GNB5: variants seen among roughly 807,000 people sequenced by gnomAD.
GNB5 encodes the protein G protein subunit beta 5.
In GNB5, 37 loss-of-function variants were observed where a neutral mutation model predicts 55.3. The ratio of observed to expected loss-of-function variants is 0.67; its 90% CI spans 0.51 to 0.88. GNB5 has a LOEUF of 0.88. Among genes scored for constraint, GNB5 ranks in the 40% least tolerant of loss-of-function variants. GNB5 has a pLI of 0.00. For missense variants in GNB5, 476 were observed against 515.3 expected (o/e 0.92, Z 0.74); for synonymous variants, 219 against 198.5 (o/e 1.10, Z -0.87).
chr15:52,124,050 AG>A (rs1367497003), intron 12 of GNB5, among the ~76,000 whole-genome samples: 1 of 150,858 alleles, frequency 6.6e-6, no homozygotes, highest in Non-Finnish European at 1.5e-5. Context: ...TAATAATTTC[AG>A]GGGCTTCACA....
chr15:52,132,681 T>C (rs1220087991), intron 9 of GNB5, among the ~76,000 whole-genome samples: 1 of 147,734 alleles, frequency 6.8e-6, no homozygotes, highest in Non-Finnish European at 1.5e-5. Context: ...CCATGTTGCC[T>C]AGCCTTGTCT....
intron 3 of GNB5, among the ~76,000 whole-genome samples, chr15:52,169,073 C>T (rs149147844): frequency 0.026 from 4,024 of 152,316 alleles, 73 homozygotes; most frequent in Middle Eastern, 0.051. Flanking sequence ...CCTGTAATCC[C>T]AGCATTTTGG....
At chr15:52,122,847 AG>A in intron 12 of GNB5, 79 bp from the exon 13 acceptor site, 2 of 1,062,130 alleles carry the variant, frequency 1.9e-6, no homozygotes, top group Non-Finnish European at 3.0e-6. Flanking sequence ...AGATAAAATT[AG>A]TCTATTCACA....
intron 3 of GNB5, among the ~76,000 whole-genome samples, chr15:52,155,004 C>T (rs988659283): frequency 2.0e-5 from 3 of 152,176 alleles, no homozygotes; most frequent in Admixed American, 6.5e-5. Flanking sequence ...GCTGGAAAGC[C>T]ACAAAGACCA....
At chr15:52,167,371 C>T (rs1350423696) in intron 3 of GNB5, among the ~76,000 whole-genome samples, 3 of 152,050 alleles carry the variant, frequency 2.0e-5, no homozygotes, top group East Asian at 3.8e-4. Context: ...AGAGACACAA[C>T]AAAAAAAGAA....
rs759976046 is a variant in GNB5 at position 52,118,476 on chromosome 15, C to A, written c.*4281G>T. The A allele has an allele frequency of 4.6e-5, 7 of 151,782 alleles. No individual in the cohort carries two copies. Among genetic ancestry groups the A allele is most frequent in the Non-Finnish European group, 8.8e-5 (6 of 68,000 alleles). The allele number at this position is 151,782 out of a possible 1,614,324, so 9.4% of individuals were successfully genotyped here. ...CTAATGGAACGTGTGCATCTGTATT[C>A]TTGTGTTTTATAACTTTTTCTCAGT... On this transcript the variant is annotated 3_prime_UTR_variant, in exon 13 of 13. Transcript: ENST00000261837.
rs1489695806 is a variant in GNB5, at chr15:52,121,370, G to A, written c.*1387C>T. The A allele has an allele frequency of 6.6e-6, 1 of 152,110 alleles. No individual in the cohort carries two copies. Among genetic ancestry groups the A allele is most frequent in the Non-Finnish European group, 1.5e-5 (1 of 68,012 alleles). The allele number at this position is 152,110 out of a possible 1,614,324, so 9.4% of individuals were successfully genotyped here. A position where few individuals can be genotyped will look rare whatever the true frequency, so the allele number is the denominator to read the frequency against. ...CTAGGTGCATGCCATCTTTTTAAGT[G>A]AGAAGTTTTCTAAAGCAAAGAATAA... is the stretch of plus-strand genomic sequence containing the variant. On this transcript the variant is annotated 3_prime_UTR_variant, in exon 13 of 13. Coordinates refer to ENST00000261837, the MANE Select transcript of GNB5 (RefSeq NM_016194.4).
Position 52,133,458 on chromosome 15 carries a change from C to T in GNB5, c.783G>A (p.Lys261=). The T allele has an allele frequency of 6.2e-7, 1 of 1,610,642 alleles. No individual in the cohort carries two copies. The highest frequency in any genetic ancestry group is 8.5e-7 in the Non-Finnish European group (1 of 1,176,752). ...AGCGCATGTCCCACACCATGGCTTT[C>T]TTGTCACATCCCTACAAATGAAAAT... is the stretch of plus-strand genomic sequence containing the variant. ...GNTFVSGGCD[K]KAMVWDMRSG... The change falls in exon 9 of 13, where the codon AAG becomes AAA. Residue 261 remains lysine, a synonymous_variant. Transcript: ENST00000261837.
intron 10 of GNB5, 41 bp from the exon 11 acceptor site, chr15:52,126,085 C>G: frequency 1.0e-6 from 1 of 979,718 alleles, no homozygotes; most frequent in Non-Finnish European, 1.6e-6. Context: ...CTTCTGGCTT[C>G]AGTTTGGTGA....
At chr15:52,127,863 G>A (rs184540888) in intron 10 of GNB5, among the ~76,000 whole-genome samples, 4 of 151,094 alleles carry the variant, frequency 2.6e-5, no homozygotes, top group African/African-American at 9.7e-5. Flanking sequence ...AATTGAAGAC[G>A]AATGTCACGT....
intron 7 of GNB5, among the ~76,000 whole-genome samples, chr15:52,136,113 AACACACACACACACACACACACACACAC>A (rs751263225): frequency 6.3e-4 from 32 of 50,724 alleles, no homozygotes; most frequent in Non-Finnish European, 7.9e-4. Flanking sequence ...AAAAGCAGAA[AACACACACACACACACACACACACACAC>A]ACACACACAC....
At chr15:52,151,304 C>T (rs1475546250) in intron 4 of GNB5, among the ~76,000 whole-genome samples, 1 of 152,180 alleles carries the variant, frequency 6.6e-6, no homozygotes, top group Non-Finnish European at 1.5e-5. Context: ...ACGTTAGGGG[C>T]TTCTTCCACC....
At chr15:52,153,170 C>A (rs1284628004) in intron 4 of GNB5, among the ~76,000 whole-genome samples, 1 of 152,196 alleles carries the variant, frequency 6.6e-6, no homozygotes, top group Non-Finnish European at 1.5e-5. Flanking sequence ...TGAAATATGG[C>A]ATGGCCCTGC....
chr15:52,190,384 T>C (rs2034903540), intron 1 of GNB5, among the ~76,000 whole-genome samples: 1 of 152,192 alleles, frequency 6.6e-6, no homozygotes, highest in Non-Finnish European at 1.5e-5. Context: ...CCCAAAGTGC[T>C]GGGATTACAG....
At chr15:52,161,301 C>A (rs1566944593) in intron 3 of GNB5, among the ~76,000 whole-genome samples, 1 of 152,062 alleles carries the variant, frequency 6.6e-6, no homozygotes, top group Non-Finnish European at 1.5e-5. Flanking sequence ...ATCCTCCATG[C>A]CTCTTTCTTT....
intron 3 of GNB5, among the ~76,000 whole-genome samples, chr15:52,164,941 A>G (rs2034421278): frequency 6.6e-6 from 1 of 152,218 alleles, no homozygotes; most frequent in Admixed American, 6.5e-5. Flanking sequence ...TTCTAACCCA[A>G]TGCAAAGAAG....
chr15:52,179,073 C>A (rs1484340071), intron 3 of GNB5, among the ~76,000 whole-genome samples: 2 of 152,224 alleles, frequency 1.3e-5, no homozygotes, highest in African/African-American at 4.8e-5. Context: ...AATCACAGAG[C>A]CAGTTCTGAA....
chr15:52,145,665 T>C (rs1221847150), intron 6 of GNB5, among the ~76,000 whole-genome samples: 1 of 151,628 alleles, frequency 6.6e-6, no homozygotes, highest in Non-Finnish European at 1.5e-5. Flanking sequence ...AAGAGTGAAA[T>C]ACATGTATGT....
At chr15:52,179,366 C>T (rs2034715384) in intron 3 of GNB5, among the ~76,000 whole-genome samples, 1 of 152,068 alleles carries the variant, frequency 6.6e-6, no homozygotes. Context: ...AAAAACAAAA[C>T]AGGAGTCTCT....
Sources: allele counts gnomAD v4.1 joint callset (sites outside exome capture counted in the v4.1 genomes callset), GRCh38; gene constraint gnomAD v4.1.1; transcripts MANE v1.5; gene names NCBI Gene and HGNC (gene_info 2026-07-23, HGNC 2026-07-21).